Variants in NELL1 observed in about 807,000 individuals in gnomAD.
NELL1 encodes the protein protein kinase C-binding protein NELL1.
A neutral mutation model predicts 107.4 loss-of-function variants in NELL1; 76 were observed. The observed-to-expected ratio is 0.71, with a 90% CI of 0.59 to 0.86. The LOEUF (loss-of-function observed/expected upper bound fraction) is 0.86, where lower values mean the gene tolerates loss of function less well. NELL1 is among the 40% of genes least tolerant of loss of function. The pLI, the probability that NELL1 is intolerant of heterozygous loss-of-function variation, is 0.00. For missense variants in NELL1, 1,024 were observed against 1,005.5 expected, an observed-to-expected ratio of 1.02 and a Z score of -0.25; for synonymous variants, 353 against 341.2, an observed-to-expected ratio of 1.03 and a Z score of -0.38.
At chr11:21,471,294 G>T (rs1451943633) in intron 15 of NELL1, among the ~76,000 whole-genome samples, 2 of 152,058 alleles carry the variant, frequency 1.3e-5, no homozygotes, top group African/African-American at 4.8e-5. Context: ...AAGTAGCTTG[G>T]AGGATGGGAA....
chr11:20,716,122 T>G (rs1283297539), intron 2 of NELL1, among the ~76,000 whole-genome samples: 1 of 152,238 alleles, frequency 6.6e-6, no homozygotes, highest in Non-Finnish European at 1.5e-5. Flanking sequence ...AGTGATAAGC[T>G]AGGCTGGCTC....
intron 12 of NELL1, among the ~76,000 whole-genome samples, chr11:21,102,731 T>G (rs1854852164): frequency 1.3e-5 from 2 of 152,194 alleles, no homozygotes; most frequent in African/African-American, 4.8e-5. Context: ...TCCCACCTTT[T>G]GCATGGTGTT....
At chr11:20,927,035 C>G (rs1850511187) in intron 7 of NELL1, 1 of 350,752 alleles carries the variant, frequency 2.9e-6, no homozygotes, top group Non-Finnish European at 5.1e-6. Context: ...AAAGCACACA[C>G]ATTTATGAAC....
chr11:20,913,730 T>C (rs1031260473), intron 5 of NELL1, among the ~76,000 whole-genome samples: 5 of 151,754 alleles, frequency 3.3e-5, no homozygotes, highest in African/African-American at 1.2e-4. Context: ...TTATTAATTT[T>C]GGGCTCTGCA....
intron 13 of NELL1, among the ~76,000 whole-genome samples, chr11:21,122,955 T>G (rs1471744847): frequency 6.6e-6 from 1 of 152,182 alleles, no homozygotes; most frequent in Non-Finnish European, 1.5e-5. Context: ...TTTCTAACTT[T>G]TTACTTGGTT....
chr11:21,032,046 AAATAAT>A (rs373787726), intron 12 of NELL1, among the ~76,000 whole-genome samples: 5,968 of 145,476 alleles, frequency 0.041, 348 homozygotes, highest in African/African-American at 0.13. Flanking sequence ...CTCCATGTCA[AAATAAT>A]AATAATAATA....
At chr11:20,714,194 A>ATTTTTTTTTTTTTTTTTTTTTT (rs34441596) in intron 2 of NELL1, among the ~76,000 whole-genome samples, 1 of 61,736 alleles carries the variant, frequency 1.6e-5, no homozygotes. Flanking sequence ...TATCTCCCCG[A>ATTTTTTTTTTTTTTTTTTTTTT]TTTTTTTTTT....
At chr11:21,005,783 T>C (rs1348603180) in intron 12 of NELL1, among the ~76,000 whole-genome samples, 1 of 152,200 alleles carries the variant, frequency 6.6e-6, no homozygotes, top group African/African-American at 2.4e-5. Flanking sequence ...TGATGGATTC[T>C]TTAGAAATAC....
intron 14 of NELL1, among the ~76,000 whole-genome samples, chr11:21,274,337 A>C (rs960229426): frequency 2.6e-5 from 4 of 152,220 alleles, no homozygotes; most frequent in African/African-American, 9.6e-5. Context: ...TCAATTCAAC[A>C]AGAAGAGCTA....
intron 2 of NELL1, among the ~76,000 whole-genome samples, chr11:20,699,638 G>A (rs959959010): frequency 4.0e-4 from 61 of 152,136 alleles, no homozygotes; most frequent in African/African-American, 1.3e-3. Flanking sequence ...GATTACAGGC[G>A]TGAGCCACTG....
intron 8 of NELL1, 118 bp downstream of exon 8, chr11:20,927,560 A>C (rs1331171872): frequency 3.1e-6 from 3 of 976,758 alleles, no homozygotes. Context: ...TTAGGTTTTT[A>C]CCTAGCACCC....
chr11:21,411,222 C>T (rs950330033), intron 15 of NELL1, among the ~76,000 whole-genome samples: 20 of 151,966 alleles, frequency 1.3e-4, no homozygotes, highest in African/African-American at 4.6e-4. Context: ...ATAGAGTAGG[C>T]ATTCAAGAAA....
intron 3 of NELL1, among the ~76,000 whole-genome samples, chr11:20,842,017 C>T (rs1848631218): frequency 6.6e-6 from 1 of 152,082 alleles, no homozygotes; most frequent in Non-Finnish European, 1.5e-5. Flanking sequence ...GGTATACCTG[C>T]CTTGTGTTGT....
intron 15 of NELL1, among the ~76,000 whole-genome samples, chr11:21,523,390 T>G (rs1855775922): frequency 6.6e-6 from 1 of 152,176 alleles, no homozygotes; most frequent in Non-Finnish European, 1.5e-5. Context: ...TCTACTATTT[T>G]GCATTTTTTT....
At chr11:20,764,162 AGCT>A (rs1856482252) in intron 2 of NELL1, among the ~76,000 whole-genome samples, 1 of 152,240 alleles carries the variant, frequency 6.6e-6, no homozygotes, top group Non-Finnish European at 1.5e-5. Context: ...TTCACATAAC[AGCT>A]ATCCAGAACT....
intron 7 of NELL1, among the ~76,000 whole-genome samples, chr11:20,922,121 C>G: frequency 6.6e-6 from 1 of 152,002 alleles, no homozygotes; most frequent in East Asian, 1.9e-4. Context: ...TAGGCCAAAT[C>G]TTTATATAGG....
intron 3 of NELL1, among the ~76,000 whole-genome samples, chr11:20,799,936 C>T (rs2134000898): frequency 1.3e-5 from 2 of 152,266 alleles, no homozygotes; most frequent in East Asian, 1.9e-4. Flanking sequence ...TTTGTTCCCA[C>T]TTATAAGTAA....
intron 15 of NELL1, among the ~76,000 whole-genome samples, chr11:21,530,451 A>T (rs117180838): frequency 0.022 from 3,307 of 152,200 alleles, 69 homozygotes; most frequent in East Asian, 0.077. Flanking sequence ...TATGCCCCAA[A>T]AGGATTAAAG....
chr11:21,498,320 ATCC>A (rs1484146511), intron 15 of NELL1, among the ~76,000 whole-genome samples: 1 of 139,968 alleles, frequency 7.1e-6, no homozygotes, highest in African/African-American at 2.5e-5. Context: ...TTTGCTACAC[ATCC>A]ATAAACATAT....
Sources: gnomAD v4.1 joint callset for allele counts (sites outside exome capture counted in the v4.1 genomes callset) on GRCh38, gnomAD v4.1.1 for gene constraint, MANE v1.5 for transcripts, NCBI Gene and HGNC (gene_info 2026-07-23, HGNC 2026-07-21) for gene names.